Variants in SHOC1 observed in about 807,000 individuals in gnomAD.
SHOC1 encodes the protein shortage in chiasmata 1.
A neutral mutation model predicts 179.2 loss-of-function variants in SHOC1; 136 were observed. The ratio of observed to expected loss-of-function variants is 0.76; its 90% CI spans 0.66 to 0.87. The LOEUF (loss-of-function observed/expected upper bound fraction) is 0.87, where lower values mean the gene tolerates loss of function less well. Among genes scored for constraint, SHOC1 ranks in the 40% least tolerant of loss-of-function variants. The probability of loss-of-function intolerance (pLI) is 0.00; values close to 1 mark genes in which losing one functional copy is unlikely to be tolerated. For missense variants in SHOC1, 1,538 were observed against 1,700.8 expected (o/e 0.90, Z 1.68); for synonymous variants, 489 against 586.6 (o/e 0.83, Z 2.41).
At chr9:111,702,335 G>T in intron 22 of SHOC1, 109 bp from the exon 23 acceptor site, 1 of 716,150 alleles carries the variant, frequency 1.4e-6, no homozygotes, top group Non-Finnish European at 2.2e-6. Flanking sequence ...TTGAAAAGAG[G>T]CATGGGTATG....
At chr9:111,738,165 T>C (rs1045109929) in intron 12 of SHOC1, 115 bp downstream of exon 12, 2 of 887,332 alleles carry the variant, frequency 2.3e-6, no homozygotes, top group African/African-American at 3.5e-5. Flanking sequence ...AGCCAGGGCC[T>C]ATATGGAATG....
intron 18 of SHOC1, among the ~76,000 whole-genome samples, chr9:111,711,061 T>C (rs1487404712): frequency 6.6e-6 from 1 of 152,094 alleles, no homozygotes; most frequent in Non-Finnish European, 1.5e-5. Context: ...AAATAACTGA[T>C]GGAACAAAGT....
At chr9:111,705,424 T>A in intron 20 of SHOC1, 60 bp from the exon 21 acceptor site, 1 of 353,898 alleles carries the variant, frequency 2.8e-6, no homozygotes, top group Non-Finnish European at 4.2e-6. Flanking sequence ...GCTCTTTCTC[T>A]TTTTTTTTTT....
chr9:111,711,219 C>G (rs1207346830), intron 18 of SHOC1, among the ~76,000 whole-genome samples: 1 of 152,126 alleles, frequency 6.6e-6, no homozygotes, highest in Non-Finnish European at 1.5e-5. Flanking sequence ...GTGATAGAGA[C>G]AGGAGGCAGC....
At chr9:111,722,944 G>A (rs910734137) in intron 14 of SHOC1, among the ~76,000 whole-genome samples, 2 of 152,068 alleles carry the variant, frequency 1.3e-5, no homozygotes, top group Admixed American at 6.6e-5. Context: ...TGGGACTATA[G>A]GCGTGCACCA....
chr9:111,756,771 T>C (rs1009373268), intron 7 of SHOC1, among the ~76,000 whole-genome samples: 2 of 152,214 alleles, frequency 1.3e-5, no homozygotes, highest in Non-Finnish European at 2.9e-5. Flanking sequence ...TAGCAAATTG[T>C]AAACATTTTA....
chr9:111,746,479 TGGGCAACATG>T, intron 9 of SHOC1, 137 bp from the exon 10 acceptor site: 1 of 513,576 alleles, frequency 1.9e-6, no homozygotes, highest in East Asian at 3.2e-5. Flanking sequence ...GTTTAAGACC[TGGGCAACATG>T]GCAAGATCAG....
intron 26 of SHOC1, among the ~76,000 whole-genome samples, chr9:111,693,332 C>T (rs760721326): frequency 2.0e-5 from 3 of 148,608 alleles, no homozygotes; most frequent in Admixed American, 6.8e-5. Flanking sequence ...ATACTGTAAT[C>T]CCAGCACTTT....
intron 3 of SHOC1, 150 bp from the exon 4 acceptor site, chr9:111,781,167 A>T: frequency 1.6e-6 from 1 of 614,288 alleles, no homozygotes; most frequent in East Asian, 2.9e-5. Context: ...CAAATATTTG[A>T]ATAGTCATCC....
At chr9:111,777,992 T>C (rs1020821977) in intron 4 of SHOC1, among the ~76,000 whole-genome samples, 1 of 152,242 alleles carries the variant, frequency 6.6e-6, no homozygotes, top group Admixed American at 6.5e-5. Flanking sequence ...CTGAACTTAG[T>C]GCTTACATAG....
intron 4 of SHOC1, among the ~76,000 whole-genome samples, chr9:111,776,300 ATAAT>A (rs1317927354): frequency 6.6e-6 from 1 of 152,246 alleles, no homozygotes; most frequent in Non-Finnish European, 1.5e-5. Context: ...TCAGTAAATC[ATAAT>A]TTATTCAACC....
intron 17 of SHOC1, 52 bp from the exon 18 acceptor site, chr9:111,713,224 A>C: frequency 1.0e-6 from 1 of 988,954 alleles, no homozygotes; most frequent in South Asian, 1.6e-5. Context: ...TCTTTTTCAC[A>C]GTTTTGATAC....
At chr9:111,781,104 G>A in intron 3 of SHOC1, 87 bp from the exon 4 acceptor site, 1 of 864,726 alleles carries the variant, frequency 1.2e-6, no homozygotes. Context: ...TTTACATTAT[G>A]ATTTTATCTT....
chr9:111,727,366 G>A (rs1333820547), intron 13 of SHOC1, among the ~76,000 whole-genome samples: 1 of 152,132 alleles, frequency 6.6e-6, no homozygotes, highest in Non-Finnish European at 1.5e-5. Context: ...GTTGTAGAAA[G>A]CAAGTTTTAC....
chr9:111,761,455 T>A (rs1835132810), intron 5 of SHOC1, among the ~76,000 whole-genome samples: 1 of 152,034 alleles, frequency 6.6e-6, no homozygotes, highest in Non-Finnish European at 1.5e-5. Context: ...TTAGCTGAGA[T>A]CACACCACTG....
chr9:111,734,096 A>G (rs1382575416), intron 12 of SHOC1, among the ~76,000 whole-genome samples: 3 of 152,144 alleles, frequency 2.0e-5, no homozygotes, highest in Non-Finnish European at 4.4e-5. Flanking sequence ...TTGCTACTTA[A>G]ACTTCAGAAT....
At chr9:111,765,357 C>A (rs968719293) in intron 5 of SHOC1, among the ~76,000 whole-genome samples, 8 of 152,178 alleles carry the variant, frequency 5.3e-5, no homozygotes, top group Non-Finnish European at 1.2e-4. Flanking sequence ...CAGTGCTTTG[C>A]GAGGCCAAGG....
chr9:111,778,109 C>T (rs1232300434), intron 4 of SHOC1, among the ~76,000 whole-genome samples: 1 of 152,140 alleles, frequency 6.6e-6, no homozygotes, highest in Non-Finnish European at 1.5e-5. Flanking sequence ...TGTAGATATA[C>T]AAGATCTATG....
chr9:111,721,337 GTTTGTT>G (rs1312768942), intron 15 of SHOC1, among the ~76,000 whole-genome samples: 4 of 152,142 alleles, frequency 2.6e-5, no homozygotes, highest in Admixed American at 6.5e-5. Context: ...TTCTTTGTTT[GTTTGTT>G]TTTGTTTTTG....
Sources: allele counts gnomAD v4.1 joint callset (sites outside exome capture counted in the v4.1 genomes callset), GRCh38; gene constraint gnomAD v4.1.1; transcripts MANE v1.5; gene names NCBI Gene and HGNC (gene_info 2026-07-23, HGNC 2026-07-21).